ANKRD33B: variants seen among roughly 807,000 people sequenced by gnomAD.
The protein encoded by ANKRD33B is ankyrin repeat domain 33B, also known as ankyrin repeat domain-containing protein 33B.
Under a neutral mutation model 21.5 loss-of-function variants are expected in ANKRD33B, and 6 were observed. The observed-to-expected ratio is 0.28, with a 90% CI of 0.15 to 0.55. The LOEUF is 0.55. Ranked by LOEUF, ANKRD33B falls within the 20% of genes least tolerant of loss-of-function variation. The probability of loss-of-function intolerance (pLI) is 0.94; values close to 1 mark genes in which losing one functional copy is unlikely to be tolerated. For missense variants in ANKRD33B, 698 were observed against 747.2 expected, an observed-to-expected ratio of 0.93 and a Z score of 0.77; for synonymous variants, 347 against 342.4, an observed-to-expected ratio of 1.01 and a Z score of -0.15.
At chr5:10,636,420 T>G (rs950689317) in intron 2 of ANKRD33B, among the ~76,000 whole-genome samples, 2 of 151,856 alleles carry the variant, frequency 1.3e-5, no homozygotes, top group Non-Finnish European at 2.9e-5. Context: ...GAGACCAGCC[T>G]CGGCAACGTT....
At position 10,649,839 on chromosome 5, in the gene ANKRD33B, C is replaced by T; in HGVS notation, c.1211C>T (p.Ala404Val). Residue 404 changes from alanine (A) to valine (V), a missense_variant, in exon 4 of 4, where the codon GCC becomes GTC. Physicochemically the swap from Ala to Val is moderately conservative, Grantham distance 64. This residue lies in a region of ANKRD33B where 543 missense variants were observed against 566.5 expected (regional missense o/e 0.96). Transcript: ENST00000296657. ...RGPAAPAPRK[A>V]SLLPLQRLRR... ...CCCGCAGCGCCCGCCCCGCGGAAGGCCAGCCTCCTGCCCCTGCAGCGCCTG... is the reference window on the plus strand; with the variant it reads ...CCCGCAGCGCCCGCCCCGCGGAAGGTCAGCCTCCTGCCCCTGCAGCGCCTG... 3.6e-6 allele frequency: 5 copies of T among 1,401,792 alleles called. No individual in the cohort carries two copies. Among genetic ancestry groups the T allele is most frequent in the Non-Finnish European group, 4.6e-6 (5 of 1,083,312 alleles). The allele number at this position is 1,401,792 out of a possible 1,614,324, so 86.8% of individuals were successfully genotyped here.
At chr5:10,593,058 C>A (rs546315036) in intron 1 of ANKRD33B, among the ~76,000 whole-genome samples, 7 of 152,190 alleles carry the variant, frequency 4.6e-5, no homozygotes, top group Admixed American at 1.3e-4. Context: ...GTATCCACCC[C>A]TCATATTGTC....
At chr5:10,571,168 G>C (rs1735179051) in intron 1 of ANKRD33B, among the ~76,000 whole-genome samples, 1 of 151,450 alleles carries the variant, frequency 6.6e-6, no homozygotes, top group African/African-American at 2.4e-5. Context: ...GCTGCGTTTG[G>C]GTTTCTTGAG....
chr5:10,610,212 G>A (rs1736134473), intron 1 of ANKRD33B, among the ~76,000 whole-genome samples: 1 of 152,256 alleles, frequency 6.6e-6, no homozygotes, highest in African/African-American at 2.4e-5. Context: ...AGCCGCTTTG[G>A]AGAGGACTTT....
chr5:10,582,517 C>A (rs1735465249), intron 1 of ANKRD33B, among the ~76,000 whole-genome samples: 1 of 152,224 alleles, frequency 6.6e-6, no homozygotes. Flanking sequence ...GATTTATCTT[C>A]ATGTATGTGG....
At chr5:10,621,590 G>A (rs549409177) in intron 2 of ANKRD33B, among the ~76,000 whole-genome samples, 2 of 152,182 alleles carry the variant, frequency 1.3e-5, no homozygotes, top group Non-Finnish European at 1.5e-5. Context: ...CTCTTAGGTG[G>A]ACAGAAAGTG....
At chr5:10,581,397 C>T (rs1027900706) in intron 1 of ANKRD33B, among the ~76,000 whole-genome samples, 19 of 152,234 alleles carry the variant, frequency 1.2e-4, no homozygotes, top group South Asian at 4.1e-4. Flanking sequence ...CCTCTGGGCT[C>T]GCCAACACCG....
intron 1 of ANKRD33B, among the ~76,000 whole-genome samples, chr5:10,579,353 G>GTT (rs11344291): frequency 7.0e-6 from 1 of 142,952 alleles, no homozygotes; most frequent in Non-Finnish European, 1.5e-5. Context: ...CTAAGTAATG[G>GTT]TTTTTTTTTT....
chr5:10,630,559 C>A (rs1457237007), intron 2 of ANKRD33B, among the ~76,000 whole-genome samples: 1 of 152,100 alleles, frequency 6.6e-6, no homozygotes, highest in Admixed American at 6.5e-5. Context: ...AATCAACTTG[C>A]AAAAGGCAGG....
intron 1 of ANKRD33B, among the ~76,000 whole-genome samples, chr5:10,589,479 A>G (rs1579719615): frequency 6.6e-6 from 1 of 152,304 alleles, no homozygotes; most frequent in East Asian, 1.9e-4. Flanking sequence ...GCCAACACCA[A>G]TTAATTTGAC....
chr5:10,616,036 T>C (rs1487425067), intron 1 of ANKRD33B, among the ~76,000 whole-genome samples: 2 of 152,244 alleles, frequency 1.3e-5, no homozygotes, highest in Non-Finnish European at 2.9e-5. Context: ...GAATGACCTA[T>C]TTCAAAGGGT....
intron 2 of ANKRD33B, among the ~76,000 whole-genome samples, chr5:10,635,076 A>G (rs1443036989): frequency 1.3e-5 from 2 of 151,956 alleles, no homozygotes; most frequent in African/African-American, 2.4e-5. Context: ...TGGACTCAAC[A>G]TAATACGCAG....
At position 10,651,392 on chromosome 5, in the gene ANKRD33B, T is replaced by C. The variant is rs926381801; in HGVS notation, c.*1279T>C. On this transcript the variant is annotated 3_prime_UTR_variant, in exon 4 of 4. Transcript: ENST00000296657. ...GGTGAGAGTCTTATGTCCACACTTT[T>C]ATCTCCAAAGTGACATGGAGATCAC... The C allele has an allele frequency of 5.3e-5, 8 of 152,284 alleles. No individual in the cohort carries two copies. Among genetic ancestry groups the C allele is most frequent in the African/African-American group, 1.9e-4 (8 of 41,410 alleles). 9.4% of individuals were successfully genotyped at this position (152,284 alleles called of 1,614,324 possible). A position where few individuals can be genotyped will look rare whatever the true frequency, so the allele number is the denominator to read the frequency against.
intron 1 of ANKRD33B, among the ~76,000 whole-genome samples, chr5:10,602,116 T>C (rs1348223241): frequency 7.8e-6 from 1 of 128,732 alleles, no homozygotes; most frequent in Non-Finnish European, 1.9e-5. Flanking sequence ...CAAGCTGAGC[T>C]CTGTGTCCTG....
intron 1 of ANKRD33B, among the ~76,000 whole-genome samples, chr5:10,603,047 C>T (rs913164979): frequency 2.6e-5 from 4 of 151,946 alleles, no homozygotes; most frequent in African/African-American, 9.7e-5. Flanking sequence ...CTTCTGAGCT[C>T]AAGCCATCCT....
intron 1 of ANKRD33B, among the ~76,000 whole-genome samples, chr5:10,566,146 A>C (rs1317441587): frequency 6.6e-6 from 1 of 152,164 alleles, no homozygotes; most frequent in African/African-American, 2.4e-5. Context: ...ATATCACACA[A>C]CATTTGAACT....
rs568633324 is a variant in ANKRD33B, at chr5:10,590,514, G to A, written c.366+25681G>A. Among the ~76,000 whole-genome samples, 516 of 152,262 alleles carry A rather than the reference G, an allele frequency of 3.4e-3. 2 individuals are homozygous for A. The highest frequency in any genetic ancestry group is 5.1e-3 in the Non-Finnish European group (344 of 68,016). ...CAAGCTTATCCAACCCCTGGCCTGCGGGCCACATGAGGCCCAGGATGACTT... is the reference window on the plus strand; with the variant it reads ...CAAGCTTATCCAACCCCTGGCCTGCAGGCCACATGAGGCCCAGGATGACTT... On this transcript the variant is annotated intron_variant, in intron 1 of 3. Coordinates refer to ENST00000296657, the MANE Select transcript of ANKRD33B (RefSeq NM_001164440.2).
In ANKRD33B at chr5:10,654,268, A is replaced by C. The variant is rs1737429529; in HGVS notation, c.*4155A>C. 6.6e-6 allele frequency: 1 copy of C among 152,390 alleles called. No individual in the cohort carries two copies. The highest frequency in any genetic ancestry group is 2.1e-4 in the South Asian group (1 of 4,828). The allele number at this position is 152,390 out of a possible 1,614,324, so 9.4% of individuals were successfully genotyped here. A position where few individuals can be genotyped will look rare whatever the true frequency, so the allele number is the denominator to read the frequency against. On this transcript the variant is annotated 3_prime_UTR_variant, in exon 4 of 4. Transcript: ENST00000296657. ...TCCCACCCCGTCCTCTTTGCTCGGA[A>C]GGGAGACCTGGTTTGCTCTCCTCCA...
intron 2 of ANKRD33B, among the ~76,000 whole-genome samples, chr5:10,620,836 ATTTCCCC>A (rs1342341971): frequency 6.6e-6 from 1 of 152,156 alleles, no homozygotes; most frequent in Non-Finnish European, 1.5e-5. Flanking sequence ...AAAGGCAGAT[ATTTCCCC>A]TCTGTAATTA....
Sources: gnomAD v4.1 joint callset for allele counts (sites outside exome capture counted in the v4.1 genomes callset) on GRCh38, gnomAD v4.1.1 for gene constraint, gnomAD v4.1.1 regional missense constraint, MANE v1.5 for transcripts, NCBI Gene and HGNC (gene_info 2026-07-23, HGNC 2026-07-21) for gene names.